The following KCNG2 variants were observed in gnomAD, a reference collection of about 807,000 sequenced individuals.
KCNG2 encodes potassium voltage-gated channel modifier subfamily G member 2, also known as voltage-gated potassium channel regulatory subunit KCNG2.
In KCNG2, 7 loss-of-function variants were observed where a neutral mutation model predicts 12.3. The ratio of observed to expected loss-of-function variants is 0.57; its 90% CI spans 0.32 to 1.07. KCNG2 has a LOEUF of 1.07. Among genes scored for constraint, KCNG2 ranks in the 50% least tolerant of loss-of-function variants. The pLI is 0.04. For missense variants in KCNG2, 703 were observed against 726.0 expected, an observed-to-expected ratio of 0.97 and a Z score of 0.36; for synonymous variants, 414 against 351.4, an observed-to-expected ratio of 1.18 and a Z score of -1.99.
chr18:79,811,239 A>G (rs1277409308), intron 1 of KCNG2, among the ~76,000 whole-genome samples: 3 of 152,380 alleles, frequency 2.0e-5, no homozygotes, highest in Non-Finnish European at 4.4e-5. Flanking sequence ...GCTAAAATTC[A>G]TATGGAATTA....
chr18:79,817,218 GCCACACGGC>G (rs1331466149), intron 1 of KCNG2, among the ~76,000 whole-genome samples: 4 of 101,660 alleles, frequency 3.9e-5, no homozygotes, highest in Non-Finnish European at 9.2e-5. Flanking sequence ...TCACACGGCT[GCCACACGGC>G]TGTCACACAC....
intron 1 of KCNG2, among the ~76,000 whole-genome samples, chr18:79,841,607 T>G (rs1978462094): frequency 6.6e-6 from 1 of 152,126 alleles, no homozygotes; most frequent in African/African-American, 2.4e-5. Flanking sequence ...GAAAAGATAT[T>G]TCACCAAAGA....
chr18:79,854,060 G>T (rs1032685820), intron 1 of KCNG2, among the ~76,000 whole-genome samples: 1 of 152,264 alleles, frequency 6.6e-6, no homozygotes, highest in Non-Finnish European at 1.5e-5. Flanking sequence ...ACCCCGTTCT[G>T]CAGGCGGCCC....
chr18:79,881,849 C>T (rs578183579), intron 3 of KCNG2, among the ~76,000 whole-genome samples: 105 of 152,302 alleles, frequency 6.9e-4, no homozygotes, highest in Admixed American at 2.0e-3. Context: ...CACAGCAGGA[C>T]AGTGTGGGGA....
At position 79,863,691 on chromosome 18, in the gene KCNG2, G is replaced by GGGCGGCGGC. The variant is rs71338073; in HGVS notation, c.30_38dup (p.Gly11_Gly13dup). On this transcript the variant is annotated inframe_insertion, in exon 3 of 4. Coordinates refer to ENST00000316249, the MANE Select transcript of KCNG2 (RefSeq NM_012283.2). The stretch of plus-strand genomic sequence containing the variant: ...GCATGGAGCCATGGCCCTGCTCCCC[G>GGGCGGCGGC]GGCGGCGGCGGCGGGACCCGCGCCC... 7.7e-6 allele frequency: 9 copies of GGGCGGCGGC among 1,174,606 alleles called. No individual in the cohort carries two copies. Among genetic ancestry groups the GGGCGGCGGC allele is most frequent in the Non-Finnish European group, 9.5e-6 (9 of 944,750 alleles). 72.8% of individuals were successfully genotyped at this position (1,174,606 alleles called of 1,614,324 possible). A position where few individuals can be genotyped will look rare whatever the true frequency, so the allele number is the denominator to read the frequency against.
chr18:79,863,222 C>A (rs1420979907), intron 2 of KCNG2, among the ~76,000 whole-genome samples: 2 of 152,254 alleles, frequency 1.3e-5, no homozygotes, highest in African/African-American at 2.4e-5. Context: ...CGGGACACAC[C>A]GTGAGAAACT....
intron 3 of KCNG2, among the ~76,000 whole-genome samples, chr18:79,875,617 C>A (rs1346817763): frequency 6.6e-6 from 1 of 152,214 alleles, no homozygotes; most frequent in Non-Finnish European, 1.5e-5. Context: ...GCACCACAGA[C>A]CTTCCCGCCC....
chr18:79,890,825 A>G (rs1023581372), intron 3 of KCNG2, among the ~76,000 whole-genome samples: 5 of 152,122 alleles, frequency 3.3e-5, no homozygotes, highest in African/African-American at 9.7e-5. Flanking sequence ...GATCCATTTT[A>G]CCTGTTACCT....
chr18:79,852,316 G>A (rs967586633), intron 1 of KCNG2, among the ~76,000 whole-genome samples: 1 of 152,208 alleles, frequency 6.6e-6, no homozygotes, highest in African/African-American at 2.4e-5. Flanking sequence ...CTCCAGCAGC[G>A]CAAACGATGC....
At chr18:79,843,087 G>T (rs986029489) in intron 1 of KCNG2, among the ~76,000 whole-genome samples, 1 of 152,118 alleles carries the variant, frequency 6.6e-6, no homozygotes, top group Non-Finnish European at 1.5e-5. Context: ...AGGACAATGA[G>T]AATCTTGAAA....
chr18:79,816,520 T>C (rs1038867345), intron 1 of KCNG2: 1 of 152,254 alleles, frequency 6.6e-6, no homozygotes, highest in African/African-American at 2.4e-5. Context: ...TTCTTCAAAG[T>C]TGGTTTTCCA....
At chr18:79,858,333 A>T (rs374948951) in intron 2 of KCNG2, among the ~76,000 whole-genome samples, 3 of 152,280 alleles carry the variant, frequency 2.0e-5, no homozygotes, top group Admixed American at 6.5e-5. Context: ...TTCCCAGTAT[A>T]TGTGACCTTT....
intron 1 of KCNG2, among the ~76,000 whole-genome samples, chr18:79,836,732 T>G (rs560041482): frequency 8.5e-5 from 13 of 152,100 alleles, no homozygotes; most frequent in African/African-American, 3.1e-4. Context: ...GTGCCACACT[T>G]TTAAACCATG....
chr18:79,809,871 T>G (rs2087481251), intron 1 of KCNG2, among the ~76,000 whole-genome samples: 1 of 152,230 alleles, frequency 6.6e-6, no homozygotes, highest in Admixed American at 6.5e-5. Context: ...TCCTTCATTG[T>G]TGCCGGTTTT....
chr18:79,830,565 G>A (rs181660313), intron 1 of KCNG2, among the ~76,000 whole-genome samples: 17 of 152,378 alleles, frequency 1.1e-4, no homozygotes, highest in African/African-American at 3.8e-4. Flanking sequence ...AGGGCCTTTG[G>A]CCATGGGTCC....
At chr18:79,827,984 C>CGT (rs1384184541) in intron 1 of KCNG2, among the ~76,000 whole-genome samples, 2 of 145,154 alleles carry the variant, frequency 1.4e-5, no homozygotes, top group Non-Finnish European at 3.0e-5. Context: ...AGTGCAGTGG[C>CGT]GTTGTCAAGG....
intron 1 of KCNG2, among the ~76,000 whole-genome samples, chr18:79,826,893 G>A (rs1978286558): frequency 6.6e-6 from 1 of 152,250 alleles, no homozygotes; most frequent in African/African-American, 2.4e-5. Context: ...CTAATCACTT[G>A]TTTGATAAAA....
intron 1 of KCNG2, among the ~76,000 whole-genome samples, chr18:79,817,960 G>A (rs1009847787): frequency 2.0e-5 from 3 of 152,234 alleles, no homozygotes; most frequent in African/African-American, 7.2e-5. Context: ...TGGGTGCAGA[G>A]AAAGGGGACA....
chr18:79,877,129 G>A (rs930092336), intron 3 of KCNG2, among the ~76,000 whole-genome samples: 2 of 152,192 alleles, frequency 1.3e-5, no homozygotes, highest in African/African-American at 4.8e-5. Flanking sequence ...TTCATTTGAC[G>A]CAAGAGGCCT....
Sources: allele counts gnomAD v4.1 joint callset (sites outside exome capture counted in the v4.1 genomes callset), GRCh38; gene constraint gnomAD v4.1.1; transcripts MANE v1.5; gene names NCBI Gene and HGNC (gene_info 2026-07-23, HGNC 2026-07-21).